The following UBE2J1 variants were observed in gnomAD, a reference collection of about 807,000 sequenced individuals.
UBE2J1 encodes ubiquitin conjugating enzyme E2 J1, also known as ubiquitin-conjugating enzyme E2 J1.
UBE2J1 carries 17 observed loss-of-function variants against 42.1 expected under a neutral mutation model. The observed-to-expected ratio is 0.40, with a 90% CI of 0.28 to 0.61. UBE2J1 has a LOEUF of 0.61. Among genes scored for constraint, UBE2J1 ranks in the 20% least tolerant of loss-of-function variants. The probability of loss-of-function intolerance (pLI) is 0.38; values close to 1 mark genes in which losing one functional copy is unlikely to be tolerated. For synonymous variants in UBE2J1, 127 were observed against 137.2 expected (o/e 0.93, Z 0.52); for missense variants, 291 against 389.4 (o/e 0.75, Z 2.13).
intron 3 of UBE2J1, among the ~76,000 whole-genome samples, chr6:89,340,500 T>C (rs1768223740): frequency 6.6e-6 from 1 of 152,212 alleles, no homozygotes. Context: ...ACTGCCAGCA[T>C]TAGCAGTTCT....
At chr6:89,336,477 T>TA (rs58214879) in intron 5 of UBE2J1, among the ~76,000 whole-genome samples, 117,169 of 148,352 alleles carry the variant, frequency 0.79, 46,842 homozygotes, top group East Asian at 0.99. Context: ...TATTTTATTT[T>TA]TTTTTTTTAT....
Position 89,348,655 on chromosome 6 carries a change from A to G in UBE2J1, c.31+3884T>C, listed in dbSNP as rs138663999. 1.1e-4 allele frequency among the ~76,000 whole-genome samples: 17 copies of G among 152,372 alleles called. No homozygotes were observed. In the East Asian group the frequency reaches 2.3e-3, roughly 21 times the overall value. ...ATGTCTGAGTGTTGGAGATAAAACAATGACCAAGACCTGCTTCTTGTCTTC... is the reference window on the plus strand; with the variant it reads ...ATGTCTGAGTGTTGGAGATAAAACAGTGACCAAGACCTGCTTCTTGTCTTC... On this transcript the variant is annotated intron_variant, in intron 1 of 7. Coordinates refer to ENST00000435041, the MANE Select transcript of UBE2J1 (RefSeq NM_016021.3).
chr6:89,342,573 A>G (rs1768268162), intron 2 of UBE2J1, 118 bp from the exon 3 acceptor site: 2 of 880,092 alleles, frequency 2.3e-6, no homozygotes, highest in Non-Finnish European at 3.3e-6. Flanking sequence ...TATTGCTAGT[A>G]TAGTTTCTAA....
rs375378658 is a variant in UBE2J1 at position 89,333,098 on chromosome 6, C to T, written c.666G>A (p.Thr222=). 9.3e-6 allele frequency: 15 copies of T among 1,610,634 alleles called. No individual in the cohort carries two copies. In the Admixed American group the frequency reaches 1.8e-4, roughly 20 times the overall value. Residue 222 remains threonine, a synonymous_variant, in exon 7 of 8, where the codon ACG becomes ACA. Coordinates refer to ENST00000435041, the MANE Select transcript of UBE2J1 (RefSeq NM_016021.3). The part of the protein sequence containing the change: ...DDIPTTFQGA[T]ASTSYGLQNS... ...ATAAGAGCCATACCGATGTACTGGC[C>T]GTAGCACCCTGGAATGTTGTAGGTA...
Position 89,329,519 on chromosome 6 carries a change from T to G in UBE2J1, c.*160A>C. 4.0e-6 allele frequency: 3 copies of G among 745,948 alleles called. No individual in the cohort carries two copies. Among genetic ancestry groups the G allele is most frequent in the South Asian group, 3.7e-5 (2 of 53,776 alleles). The allele number at this position is 745,948 out of a possible 1,614,324, so 46.2% of individuals were successfully genotyped here. On this transcript the variant is annotated 3_prime_UTR_variant, in exon 8 of 8. Coordinates refer to ENST00000435041, the MANE Select transcript of UBE2J1 (RefSeq NM_016021.3). ...AGCAGGACGTAACTGCTAGACACAGTCTGAATGTCTAGATATATTTATACT... is the reference window on the plus strand; with the variant it reads ...AGCAGGACGTAACTGCTAGACACAGGCTGAATGTCTAGATATATTTATACT...
chr6:89,352,597 C>G lies in UBE2J1; in HGVS notation c.-28G>C, dbSNP rs149080068. ...TGGGTCGCTGGCTTGGCTCCGGCCTCCCGGGCCGCTGCCACCTCCTCTCCA... is the reference window on the plus strand; with the variant it reads ...TGGGTCGCTGGCTTGGCTCCGGCCTGCCGGGCCGCTGCCACCTCCTCTCCA... On this transcript the variant is annotated 5_prime_UTR_variant, in exon 1 of 8. Transcript: ENST00000435041. 8.1e-3 allele frequency: 12,620 copies of G among 1,551,214 alleles called. 59 individuals carry two copies. The highest frequency in any genetic ancestry group is 9.9e-3 in the Non-Finnish European group (11,400 of 1,156,514).
intron 1 of UBE2J1, among the ~76,000 whole-genome samples, chr6:89,350,833 C>T (rs1457654572): frequency 6.6e-6 from 1 of 152,106 alleles, no homozygotes; most frequent in African/African-American, 2.4e-5. Flanking sequence ...GTTCTCCATT[C>T]TAAACTGCAC....
chr6:89,330,441 G>A (rs1215818631), intron 7 of UBE2J1, among the ~76,000 whole-genome samples: 3 of 152,006 alleles, frequency 2.0e-5, no homozygotes, highest in South Asian at 4.1e-4. Flanking sequence ...ATGAACCAAC[G>A]TGCCCAGCCT....
rs1254078735 is a variant in UBE2J1, at chr6:89,327,256, A to G, written c.*2423T>C. ...TCTCATCATGTGCTATGTTGGTCAA[A>G]TAAAATGTCATGAGTTATCTAGATC... On this transcript the variant is annotated 3_prime_UTR_variant, in exon 8 of 8. Transcript: ENST00000435041. 1 of 152,462 alleles carries G rather than the reference A, an allele frequency of 6.6e-6. No homozygotes were observed. The highest frequency in any genetic ancestry group is 1.5e-5 in the Non-Finnish European group (1 of 68,018). The allele number at this position is 152,462 out of a possible 1,614,324, so 9.4% of individuals were successfully genotyped here.
chr6:89,336,284 CTGTT>C (rs113631116), intron 5 of UBE2J1, among the ~76,000 whole-genome samples: 19 of 151,270 alleles, frequency 1.3e-4, no homozygotes, highest in Admixed American at 1.3e-4. Context: ...TTTAGTTTTT[CTGTT>C]TGTTTGTTTG....
At chr6:89,352,416 G>A in intron 1 of UBE2J1, 123 bp downstream of exon 1, 1 of 1,158,854 alleles carries the variant, frequency 8.6e-7, no homozygotes, top group African/African-American at 1.6e-5. Flanking sequence ...GCGGTCTCGC[G>A]TAGAGCGCGA....
At chr6:89,349,552 G>A (rs1221059089) in intron 1 of UBE2J1, among the ~76,000 whole-genome samples, 1 of 152,172 alleles carries the variant, frequency 6.6e-6, no homozygotes, top group African/African-American at 2.4e-5. Context: ...GTCTATCCCT[G>A]AGATATGAAA....
At chr6:89,338,653 G>GTTTTTTTTTTTTTTTTTT (rs1486254673) in intron 3 of UBE2J1, 110 bp from the exon 4 acceptor site, 1 of 120,568 alleles carries the variant, frequency 8.3e-6, no homozygotes. Context: ...ATCTTAAAAA[G>GTTTTTTTTTTTTTTTTTT]TTTGTTTTTT....
chr6:89,344,604 AAAAGTC>A (rs1460560383), intron 1 of UBE2J1, among the ~76,000 whole-genome samples: 2 of 152,222 alleles, frequency 1.3e-5, no homozygotes, highest in African/African-American at 4.8e-5. Flanking sequence ...AAGGAGGAAA[AAAAGTC>A]AGAGAGGATG....
intron 5 of UBE2J1, among the ~76,000 whole-genome samples, chr6:89,337,226 CTTT>C (rs202105618): frequency 1.4e-4 from 19 of 135,978 alleles, no homozygotes; most frequent in Admixed American, 3.0e-4. Context: ...AACTCCAGTT[CTTT>C]TTTTTTTTTT....
At chr6:89,341,504 A>C (rs578136555) in intron 3 of UBE2J1, among the ~76,000 whole-genome samples, 1 of 152,316 alleles carries the variant, frequency 6.6e-6, no homozygotes, top group Non-Finnish European at 1.5e-5. Flanking sequence ...TGGGAGGCTG[A>C]GATGGGAGGA....
chr6:89,341,748 T>C (rs992215355), intron 3 of UBE2J1, among the ~76,000 whole-genome samples: 4 of 151,974 alleles, frequency 2.6e-5, no homozygotes, highest in Non-Finnish European at 4.4e-5. Flanking sequence ...AAGTTTTCCT[T>C]CACATGAAGA....
chr6:89,351,345 G>A (rs552583607), intron 1 of UBE2J1, among the ~76,000 whole-genome samples: 5 of 152,094 alleles, frequency 3.3e-5, no homozygotes, highest in East Asian at 1.9e-4. Flanking sequence ...GATTACAAGC[G>A]TGTGCCACCG....
chr6:89,338,674 TTTTTTTTTTG>T, intron 3 of UBE2J1, 131 bp from the exon 4 acceptor site: 1 of 312,710 alleles, frequency 3.2e-6, no homozygotes, highest in African/African-American at 2.4e-5. Flanking sequence ...TTTTTTTTTT[TTTTTTTTTTG>T]AGATGGAGTC....
Sources: gnomAD v4.1 joint callset for allele counts (sites outside exome capture counted in the v4.1 genomes callset) on GRCh38, gnomAD v4.1.1 for gene constraint, MANE v1.5 for transcripts, NCBI Gene and HGNC (gene_info 2026-07-23, HGNC 2026-07-21) for gene names.